ADD2: variants seen among roughly 807,000 people sequenced by gnomAD.
ADD2 encodes adducin 2, also known as beta-adducin.
A neutral mutation model predicts 83.0 loss-of-function variants in ADD2; 23 were observed. That is an observed-to-expected ratio of 0.28 (90% CI 0.20 to 0.39). The LOEUF is 0.39. Ranked by LOEUF, ADD2 falls within the 10% of genes least tolerant of loss-of-function variation. The pLI is 1.00. For synonymous variants in ADD2, 375 were observed against 375.4 expected, an observed-to-expected ratio of 1.00 and a Z score of 0.01; for missense variants, 758 against 944.9, an observed-to-expected ratio of 0.80 and a Z score of 2.59.
intron 1 of ADD2, among the ~76,000 whole-genome samples, chr2:70,763,588 C>T (rs868951548): frequency 6.6e-6 from 1 of 151,972 alleles, no homozygotes; most frequent in Non-Finnish European, 1.5e-5. Flanking sequence ...CTATGCTTTA[C>T]AGCTTTTATA....
intron 1 of ADD2, among the ~76,000 whole-genome samples, chr2:70,724,325 T>C (rs1553377842): frequency 6.6e-6 from 1 of 152,212 alleles, no homozygotes; most frequent in African/African-American, 2.4e-5. Flanking sequence ...TGCTCATTTC[T>C]AAATGGTGAC....
chr2:70,715,511 G>A (rs1672418148), intron 1 of ADD2, among the ~76,000 whole-genome samples: 2 of 152,162 alleles, frequency 1.3e-5, no homozygotes, highest in Admixed American at 1.3e-4. Flanking sequence ...GGGTGGTTCA[G>A]AAAGCACCAG....
intron 4 of ADD2, 98 bp downstream of exon 4, chr2:70,704,223 A>C: frequency 6.8e-7 from 1 of 1,463,898 alleles, no homozygotes; most frequent in Non-Finnish European, 9.2e-7. Flanking sequence ...CTTACTCCAT[A>C]GCCTGGCAAC....
intron 9 of ADD2, among the ~76,000 whole-genome samples, chr2:70,686,871 T>TA (rs1670753957): frequency 1.3e-5 from 2 of 152,166 alleles, no homozygotes; most frequent in Admixed American, 6.5e-5. Context: ...CATATCCTTT[T>TA]AAAACGATTG....
At chr2:70,721,918 G>A (rs1033004805) in intron 1 of ADD2, among the ~76,000 whole-genome samples, 52 of 152,230 alleles carry the variant, frequency 3.4e-4, no homozygotes, top group Admixed American at 2.7e-3. Flanking sequence ...AAATACTTAG[G>A]CGAGCCCACA....
In ADD2 at chr2:70,706,417, T is replaced by A. The variant is rs782756675; in HGVS notation, c.-9A>T. 1.6e-5 allele frequency: 25 copies of A among 1,599,410 alleles called. No individual in the cohort carries two copies. The highest frequency in any genetic ancestry group is 2.7e-5 in the African/African-American group (2 of 74,544). On this transcript the variant is annotated 5_prime_UTR_variant, in exon 3 of 16. Transcript: ENST00000264436. This position sits in a 1 kb window ranked among gnomAD's most constrained non-coding sequence, Gnocchi z 5.0. ...ACCGTCTCTTCGCTCATTTTCCCGG[T>A]GGGTTTGCAATTCGCTCCTGGAACT... is the stretch of plus-strand genomic sequence containing the variant.
rs929648685 is a variant in ADD2, at chr2:70,661,596, C to T, written c.*1829G>A. 2.0e-5 allele frequency: 3 copies of T among 152,270 alleles called. No homozygotes were observed. Among genetic ancestry groups the T allele is most frequent in the South Asian group, 2.1e-4 (1 of 4,822 alleles). 9.4% of individuals were successfully genotyped at this position (152,270 alleles called of 1,614,324 possible). ...AATAGCCAACTATGGATGGTATTTC[C>T]CGCCCCAACCAGAAGGCTCTTGCCT... On this transcript the variant is annotated 3_prime_UTR_variant, in exon 16 of 16. Coordinates refer to ENST00000264436, the MANE Select transcript of ADD2 (RefSeq NM_001617.4).
intron 15 of ADD2, among the ~76,000 whole-genome samples, chr2:70,670,514 GAGA>G (rs1473429785): frequency 6.6e-6 from 1 of 152,230 alleles, no homozygotes; most frequent in African/African-American, 2.4e-5. Context: ...AGGAGCTAAA[GAGA>G]AGGTGATAGC....
chr2:70,699,461 T>C (rs1199841403), intron 4 of ADD2, among the ~76,000 whole-genome samples: 4 of 152,170 alleles, frequency 2.6e-5, no homozygotes, highest in African/African-American at 4.8e-5. Flanking sequence ...GAATGTCAGA[T>C]GGCAATGCTA....
chr2:70,721,181 C>G (rs1172559225), intron 1 of ADD2, among the ~76,000 whole-genome samples: 1 of 152,234 alleles, frequency 6.6e-6, no homozygotes, highest in African/African-American at 2.4e-5. Context: ...TATCTTCTCA[C>G]TGATTCTGTT....
intron 1 of ADD2, among the ~76,000 whole-genome samples, chr2:70,714,250 G>A (rs559807061): frequency 1.3e-5 from 2 of 152,286 alleles, no homozygotes; most frequent in South Asian, 4.1e-4. Flanking sequence ...GCTGGGGGCT[G>A]TCTCACCCAG....
intron 4 of ADD2, among the ~76,000 whole-genome samples, chr2:70,701,817 A>G (rs554770180): frequency 6.6e-6 from 1 of 152,298 alleles, no homozygotes; most frequent in African/African-American, 2.4e-5. Flanking sequence ...AGTAAACTTC[A>G]TAAGAAATTA....
Position 70,663,501 on chromosome 2 carries a change from G to C in ADD2, c.2105C>G (p.Pro702Arg), listed in dbSNP as rs1553365466. 6.2e-7 allele frequency: 1 copy of C among 1,614,106 alleles called. No homozygotes were observed. The highest frequency in any genetic ancestry group is 1.7e-5 in the Admixed American group (1 of 60,022). The stretch of plus-strand genomic sequence containing the variant: ...TCGGAATTTCTTTTTCTTCTTTGAG[G>C]GAGACTTGGAAGGTGAGCCCTCTGG... ...MSPEGSPSKSPSKKKKKFRTP... is the reference protein window; with the variant it reads ...MSPEGSPSKSRSKKKKKFRTP... Residue 702 changes from proline (P) to arginine (R), a missense_variant, in exon 16 of 16, where the codon CCC (proline) becomes CGC (arginine). Physicochemically the swap from Pro to Arg is moderately radical, Grantham distance 103. Transcript: ENST00000264436.
chr2:70,746,246 A>G (rs1553381953), intron 1 of ADD2, among the ~76,000 whole-genome samples: 2 of 152,226 alleles, frequency 1.3e-5, no homozygotes, highest in East Asian at 1.9e-4. Context: ...GGCCTCTTCT[A>G]TGAGCTCTGA....
chr2:70,760,702 C>T (rs1362267939), intron 1 of ADD2: 1 of 152,186 alleles, frequency 6.6e-6, no homozygotes, highest in African/African-American at 2.4e-5. Context: ...GCTTCTTGAC[C>T]TGCATGGTGG....
chr2:70,762,774 C>T (rs1553385275), intron 1 of ADD2, among the ~76,000 whole-genome samples: 7 of 146,440 alleles, frequency 4.8e-5, no homozygotes, highest in Admixed American at 6.8e-5. Context: ...GGTGTGATCT[C>T]GGCTCACTGC....
At chr2:70,697,148 C>G (rs1160629880) in intron 4 of ADD2, among the ~76,000 whole-genome samples, 1 of 152,150 alleles carries the variant, frequency 6.6e-6, no homozygotes, top group African/African-American at 2.4e-5. Context: ...CTCCGTCCCC[C>G]ACACCCTCCC....
chr2:70,687,625 CAAACAA>C (rs1558532781), intron 9 of ADD2, among the ~76,000 whole-genome samples: 4 of 151,802 alleles, frequency 2.6e-5, no homozygotes, highest in Admixed American at 1.3e-4. Flanking sequence ...AACAAACAAA[CAAACAA>C]ACACCTACCT....
chr2:70,688,400 A>C (rs1347245520), intron 8 of ADD2, among the ~76,000 whole-genome samples: 1 of 152,270 alleles, frequency 6.6e-6, no homozygotes, highest in Admixed American at 6.5e-5. Context: ...CATTTTAAAA[A>C]TTGAAATTGA....
Sources: gnomAD v4.1 joint callset for allele counts (sites outside exome capture counted in the v4.1 genomes callset) on GRCh38, gnomAD v4.1.1 for gene constraint, Gnocchi (gnomAD v3.1) non-coding constraint, MANE v1.5 for transcripts, NCBI Gene and HGNC (gene_info 2026-07-23, HGNC 2026-07-21) for gene names.